Variants in KALRN observed in about 807,000 individuals in gnomAD.
The protein encoded by KALRN is kalirin RhoGEF kinase.
Under a neutral mutation model 353.7 loss-of-function variants are expected in KALRN, and 70 were observed. The observed-to-expected ratio is 0.20, with a 90% CI of 0.16 to 0.24. The LOEUF (loss-of-function observed/expected upper bound fraction) is 0.24. Among genes scored for constraint, KALRN ranks in the 10% least tolerant of loss-of-function variants. The pLI is 1.00. For synonymous variants in KALRN, 1,391 were observed against 1,434.8 expected, an observed-to-expected ratio of 0.97 and a Z score of 0.69; for missense variants, 2,791 against 3,756.7, an observed-to-expected ratio of 0.74 and a Z score of 6.72.
In KALRN at chr3:124,650,845, A is replaced by G; in HGVS notation, c.5702A>G (p.Asp1901Gly). ...EGSSYRGSLK[D>G]PAGCLNEGMA... ...AGCTCATACCGGGGGAGCTTGAAAG[A>G]CCCTGCAGGCTGCCTGAATGAGGGG... Residue 1901 changes from aspartate (D) to glycine (G), a missense_variant, in exon 38 of 60, where the codon GAC (aspartate) becomes GGC (glycine). Around this residue, in one of 11 missense-constraint regions of KALRN, gnomAD observed 1,065 missense variants for 1,156.4 expected, o/e 0.92. Transcript: ENST00000682506. 1 of 1,613,932 alleles carries G rather than the reference A, an allele frequency of 6.2e-7. No individual in the cohort carries two copies. Among genetic ancestry groups the G allele is most frequent in the Non-Finnish European group, 8.5e-7 (1 of 1,179,870 alleles).
At chr3:124,434,277 C>T (rs375453644) in intron 16 of KALRN, 30 bp from the exon 17 acceptor site, 47 of 1,596,062 alleles carry the variant, frequency 2.9e-5, no homozygotes, top group East Asian at 1.6e-4. Context: ...GTTGTTCCCA[C>T]GGACCTTTCT....
intron 1 of KALRN, among the ~76,000 whole-genome samples, chr3:124,158,425 T>A (rs1215393129): frequency 6.6e-6 from 1 of 152,200 alleles, no homozygotes; most frequent in Non-Finnish European, 1.5e-5. Flanking sequence ...GCACCAGTCC[T>A]AGGCTAGTGC....
At chr3:124,416,848 A>G (rs1351093424) in intron 14 of KALRN, among the ~76,000 whole-genome samples, 5 of 152,272 alleles carry the variant, frequency 3.3e-5, no homozygotes, top group Non-Finnish European at 7.3e-5. Flanking sequence ...GTAGTCTTAG[A>G]AAAAGGACAA....
chr3:124,156,841 A>G lies in KALRN; in HGVS notation c.74-71149A>G, dbSNP rs144289571. ...ATTGTCATGCCTTATTTTCATCAGGAAAGAGTCCCAGTCACTACAAGCCTT... is the reference window on the plus strand; with the variant it reads ...ATTGTCATGCCTTATTTTCATCAGGGAAGAGTCCCAGTCACTACAAGCCTT... On this transcript the variant is annotated intron_variant, in intron 1 of 59. Transcript: ENST00000682506. Among the ~76,000 whole-genome samples the G allele has an allele frequency of 7.0e-3, 1,068 of 152,300 alleles. 13 individuals carry two copies. Among genetic ancestry groups the G allele is most frequent in the African/African-American group, 0.025 (1,021 of 41,558 alleles).
intron 2 of KALRN, among the ~76,000 whole-genome samples, chr3:124,233,340 T>C (rs2079391328): frequency 6.6e-6 from 1 of 152,286 alleles, no homozygotes; most frequent in African/African-American, 2.4e-5. Context: ...TTCCTTTTCC[T>C]CATGTGGAAG....
chr3:124,336,110 G>C (rs1266925341), intron 9 of KALRN, among the ~76,000 whole-genome samples: 1 of 152,088 alleles, frequency 6.6e-6, no homozygotes, highest in Admixed American at 6.5e-5. Context: ...ATGGGCCTTC[G>C]AGCATGCCCC....
chr3:124,460,728 T>A (rs2059771497), intron 23 of KALRN, among the ~76,000 whole-genome samples: 1 of 152,230 alleles, frequency 6.6e-6, no homozygotes, highest in African/African-American at 2.4e-5. Flanking sequence ...TTCCTATCTG[T>A]CTGACTCCAA....
At chr3:124,456,544 C>T (rs2059319886) in intron 22 of KALRN, 66 bp from the exon 23 acceptor site, 6 of 1,142,784 alleles carry the variant, frequency 5.3e-6, no homozygotes, top group African/African-American at 1.5e-5. Flanking sequence ...TACCACCTCC[C>T]TCAACTCCAG....
rs2063382854 is a variant in KALRN, at chr3:124,723,414, G to A, written c.*3944G>A. On this transcript the variant is annotated 3_prime_UTR_variant, in exon 60 of 60. Coordinates refer to ENST00000682506, the MANE Select transcript of KALRN (RefSeq NM_001388419.1). ...ATTGGTAAAATGGGAGTTGGGGGATGGGGAAGGAGGGAGGACATTAATCTT... is the reference window on the plus strand; with the variant it reads ...ATTGGTAAAATGGGAGTTGGGGGATAGGGAAGGAGGGAGGACATTAATCTT... 1 of 152,158 alleles carries A rather than the reference G, an allele frequency of 6.6e-6. No homozygotes were observed. Among genetic ancestry groups the A allele is most frequent in the South Asian group, 2.1e-4 (1 of 4,818 alleles). The allele number at this position is 152,158 out of a possible 1,614,324, so 9.4% of individuals were successfully genotyped here. A position where few individuals can be genotyped will look rare whatever the true frequency, so the allele number is the denominator to read the frequency against.
intron 51 of KALRN, among the ~76,000 whole-genome samples, chr3:124,689,643 A>G (rs34350296): frequency 0.12 from 18,957 of 152,264 alleles, 1,286 homozygotes; most frequent in African/African-American, 0.17. Context: ...GATCCTGCAC[A>G]CACCAGCAAT....
intron 33 of KALRN, among the ~76,000 whole-genome samples, chr3:124,557,365 G>A (rs747888071): frequency 1.3e-5 from 2 of 152,204 alleles, no homozygotes; most frequent in African/African-American, 2.4e-5. Flanking sequence ...CACTTGTGTG[G>A]TGCATCTCAT....
intron 33 of KALRN, among the ~76,000 whole-genome samples, chr3:124,542,669 G>A (rs1179753507): frequency 6.6e-6 from 1 of 152,096 alleles, no homozygotes; most frequent in Non-Finnish European, 1.5e-5. Context: ...AGAATAAGTT[G>A]TTAGCATTGG....
intron 1 of KALRN, among the ~76,000 whole-genome samples, chr3:124,138,759 G>A (rs1340603381): frequency 6.6e-6 from 1 of 152,158 alleles, no homozygotes; most frequent in Admixed American, 6.5e-5. Context: ...ACCACTGAAG[G>A]GACATGGTGA....
At chr3:124,259,580 G>C (rs748179888) in intron 3 of KALRN, among the ~76,000 whole-genome samples, 4 of 152,192 alleles carry the variant, frequency 2.6e-5, no homozygotes, top group Non-Finnish European at 4.4e-5. Flanking sequence ...GTAAGTAAAT[G>C]ATGGGGCCAG....
chr3:124,312,953 T>C (rs1330766766), intron 6 of KALRN, among the ~76,000 whole-genome samples: 1 of 152,212 alleles, frequency 6.6e-6, no homozygotes, highest in African/African-American at 2.4e-5. Flanking sequence ...TGAACTATGA[T>C]GTTAAGCATT....
chr3:124,417,273 T>C (rs2092556030), intron 14 of KALRN, among the ~76,000 whole-genome samples: 1 of 152,206 alleles, frequency 6.6e-6, no homozygotes, highest in Non-Finnish European at 1.5e-5. Context: ...CTTTAGACTT[T>C]AGTTTCTTCT....
In KALRN at chr3:124,594,987, A is replaced by T. The variant is rs558728796; in HGVS notation, c.5182+31898A>T. Among the ~76,000 whole-genome samples the T allele has an allele frequency of 2.0e-4, 30 of 148,810 alleles. 1 individual carries two copies. In the South Asian group the frequency reaches 6.2e-3, roughly 31 times the overall value. The stretch of plus-strand genomic sequence containing the variant: ...ATTTTTTTAAAAATTTTATTTATTT[A>T]TTTTTTTGAGATATACCATGGGAAA... On this transcript the variant is annotated intron_variant, in intron 34 of 59. Transcript: ENST00000682506.
intron 51 of KALRN, among the ~76,000 whole-genome samples, chr3:124,686,649 C>T (rs1234607286): frequency 1.3e-5 from 2 of 151,910 alleles, no homozygotes; most frequent in Non-Finnish European, 2.9e-5. Flanking sequence ...TGGGTTGAGA[C>T]CAGACAGACA....
At chr3:124,210,612 G>C (rs762020776) in intron 1 of KALRN, among the ~76,000 whole-genome samples, 1 of 152,104 alleles carries the variant, frequency 6.6e-6, no homozygotes, top group African/African-American at 2.4e-5. Context: ...TGAAAATGGA[G>C]GCCAGAAAGG....
Sources: gnomAD v4.1 joint callset for allele counts (sites outside exome capture counted in the v4.1 genomes callset) on GRCh38, gnomAD v4.1.1 for gene constraint, gnomAD v4.1.1 regional missense constraint, MANE v1.5 for transcripts, NCBI Gene and HGNC (gene_info 2026-07-23, HGNC 2026-07-21) for gene names.